The following RBFOX1 variants were observed in gnomAD, a reference collection of about 807,000 sequenced individuals.
The protein encoded by RBFOX1 is RNA binding protein fox-1 homolog 1.
RBFOX1 carries 8 observed loss-of-function variants against 57.7 expected under a neutral mutation model. The observed-to-expected ratio is 0.14, with a 90% CI of 0.08 to 0.25. The LOEUF (loss-of-function observed/expected upper bound fraction) is 0.25, where lower values mean the gene tolerates loss of function less well. Ranked by LOEUF, RBFOX1 falls within the 10% of genes least tolerant of loss-of-function variation. The probability of loss-of-function intolerance (pLI) is 1.00; values close to 1 mark genes in which losing one functional copy is unlikely to be tolerated. For missense variants in RBFOX1, 611 were observed against 548.5 expected, an observed-to-expected ratio of 1.11 and a Z score of -1.14; for synonymous variants, 326 against 222.4, an observed-to-expected ratio of 1.47 and a Z score of -4.15.
At chr16:6,275,810 AACTG>A (rs765368093) in intron 1 of RBFOX1, among the ~76,000 whole-genome samples, 41 of 152,236 alleles carry the variant, frequency 2.7e-4, no homozygotes, top group Non-Finnish European at 5.3e-4. Flanking sequence ...TGATAAAGGT[AACTG>A]ACCTTGTGAA....
At chr16:7,254,117 C>G (rs900375738) in intron 4 of RBFOX1, among the ~76,000 whole-genome samples, 6 of 152,116 alleles carry the variant, frequency 3.9e-5, no homozygotes, top group African/African-American at 2.4e-5. Context: ...TATTTTAATT[C>G]TCACATCAAC....
intron 2 of RBFOX1, among the ~76,000 whole-genome samples, chr16:6,508,349 C>T (rs976643878): frequency 3.3e-5 from 5 of 152,046 alleles, no homozygotes; most frequent in Admixed American, 6.6e-5. Flanking sequence ...CTGCACTTGT[C>T]CCCGAACATA....
chr16:6,985,478 T>A (rs1034819219), intron 3 of RBFOX1, among the ~76,000 whole-genome samples: 1 of 152,094 alleles, frequency 6.6e-6, no homozygotes, highest in Non-Finnish European at 1.5e-5. Context: ...CTAGTCCACA[T>A]CTCTTAAAAA....
intron 3 of RBFOX1, among the ~76,000 whole-genome samples, chr16:7,025,701 C>G (rs1164906621): frequency 1.3e-5 from 2 of 151,986 alleles, no homozygotes; most frequent in South Asian, 4.2e-4. Context: ...CCTCTGGAGC[C>G]TGCCGCACTG....
At chr16:7,141,363 A>T (rs1328590359) in intron 4 of RBFOX1, among the ~76,000 whole-genome samples, 2 of 152,152 alleles carry the variant, frequency 1.3e-5, no homozygotes, top group African/African-American at 4.8e-5. Flanking sequence ...CAAGACAGAT[A>T]GGACCCCTTC....
intron 4 of RBFOX1, among the ~76,000 whole-genome samples, chr16:7,262,389 T>C (rs1236951736): frequency 6.6e-6 from 1 of 152,040 alleles, no homozygotes; most frequent in African/African-American, 2.4e-5. Context: ...TTTTGCTGGG[T>C]GTACCATTTC....
At position 7,622,211 on chromosome 16, in the gene RBFOX1, G is replaced by A. The variant is rs138334446; in HGVS notation, c.677-8392G>A. ...GTATGACTTGCAGTTTCAGCATCAC[G>A]AGATCTGTGTCACCTCAGGCAAGGA... is the stretch of plus-strand genomic sequence containing the variant. On this transcript the variant is annotated intron_variant, in intron 10 of 15. Transcript: ENST00000550418. 1.6e-3 allele frequency among the ~76,000 whole-genome samples: 238 copies of A among 151,978 alleles called. 2 individuals carry two copies. The highest frequency in any genetic ancestry group is 5.2e-3 in the African/African-American group (216 of 41,314).
At chr16:7,127,115 T>C (rs959474375) in intron 4 of RBFOX1, among the ~76,000 whole-genome samples, 2 of 150,346 alleles carry the variant, frequency 1.3e-5, no homozygotes, top group African/African-American at 4.8e-5. Context: ...GCACTTCATG[T>C]GGTCATAAAT....
chr16:6,970,513 A>T (rs578163395), intron 3 of RBFOX1, among the ~76,000 whole-genome samples: 1 of 152,270 alleles, frequency 6.6e-6, no homozygotes, highest in African/African-American at 2.4e-5. Flanking sequence ...AAGATCAGAG[A>T]CATCAGTAGA....
At chr16:7,663,034 C>G (rs1287574653) in intron 12 of RBFOX1, among the ~76,000 whole-genome samples, 1 of 152,198 alleles carries the variant, frequency 6.6e-6, no homozygotes, top group Non-Finnish European at 1.5e-5. Context: ...CAAGGCATTG[C>G]ACGTGCAAGG....
At chr16:5,394,559 TTCTG>T (rs907542953) in intron 1 of RBFOX1, among the ~76,000 whole-genome samples, 3 of 144,788 alleles carry the variant, frequency 2.1e-5, no homozygotes, top group Non-Finnish European at 3.0e-5. Flanking sequence ...CTTCTTTTCT[TTCTG>T]TCTTTTTTTT....
chr16:5,552,447 T>C (rs6500697), intron 2 of RBFOX1, among the ~76,000 whole-genome samples: 58,129 of 152,078 alleles, frequency 0.38, 11,448 homozygotes, highest in Non-Finnish European at 0.42. Context: ...AGGTGCGGGA[T>C]GTTTTAGTCC....
intron 1 of RBFOX1, among the ~76,000 whole-genome samples, chr16:6,022,296 G>T (rs1469167793): frequency 6.6e-6 from 1 of 151,192 alleles, no homozygotes; most frequent in African/African-American, 2.4e-5. Flanking sequence ...TTAATACATA[G>T]AATATTTTGA....
chr16:7,312,178 G>T (rs1436064285), intron 4 of RBFOX1, among the ~76,000 whole-genome samples: 4 of 152,166 alleles, frequency 2.6e-5, no homozygotes, highest in Admixed American at 2.6e-4. Context: ...TCAGGAGTTT[G>T]AGACCAGCCT....
rs540640237 is a variant in RBFOX1 at position 7,189,281 on chromosome 16, C to G, written c.27+137183C>G. Among the ~76,000 whole-genome samples the G allele has an allele frequency of 2.0e-4, 30 of 151,892 alleles. No individual in the cohort carries two copies. The East Asian group carries it at 5.7e-3, about 29-fold the overall frequency. On this transcript the variant is annotated intron_variant, in intron 4 of 15. Coordinates refer to ENST00000550418, the MANE Select transcript of RBFOX1 (RefSeq NM_018723.4). The stretch of plus-strand genomic sequence containing the variant: ...TCTACTAAAAATACAAAAAAATTAG[C>G]CGGGCGTGGTGGCGGGCGCCTGAAG...
At chr16:6,525,901 C>T (rs2096571323) in intron 2 of RBFOX1, among the ~76,000 whole-genome samples, 1 of 151,834 alleles carries the variant, frequency 6.6e-6, no homozygotes, top group Non-Finnish European at 1.5e-5. Context: ...CCATAGCACA[C>T]AGGAAATGCC....
chr16:7,459,779 T>C (rs1305695853), intron 4 of RBFOX1, among the ~76,000 whole-genome samples: 1 of 152,202 alleles, frequency 6.6e-6, no homozygotes, highest in Non-Finnish European at 1.5e-5. Context: ...AATGTAGTTT[T>C]GGGATTTAAC....
At chr16:6,745,901 G>T (rs963130389) in intron 3 of RBFOX1, among the ~76,000 whole-genome samples, 13 of 152,198 alleles carry the variant, frequency 8.5e-5, no homozygotes, top group Non-Finnish European at 1.8e-4. Context: ...AAAACAGAAA[G>T]TCACTGGAAC....
chr16:7,247,539 C>A (rs1427315898), intron 4 of RBFOX1, among the ~76,000 whole-genome samples: 2 of 152,112 alleles, frequency 1.3e-5, no homozygotes, highest in Non-Finnish European at 2.9e-5. Flanking sequence ...GTGCCTGCCA[C>A]AATAATATGA....
Sources: gnomAD v4.1 joint callset for allele counts (sites outside exome capture counted in the v4.1 genomes callset) on GRCh38, gnomAD v4.1.1 for gene constraint, MANE v1.5 for transcripts, NCBI Gene and HGNC (gene_info 2026-07-23, HGNC 2026-07-21) for gene names.